Variants in RASEF observed in about 807,000 individuals in gnomAD.
RASEF encodes the protein ras and EF-hand domain-containing protein.
RASEF carries 68 observed loss-of-function variants against 90.1 expected under a neutral mutation model. That is an observed-to-expected ratio of 0.75 (90% CI 0.62 to 0.92). The LOEUF is 0.92. RASEF is among the 40% of genes least tolerant of loss of function. The probability of loss-of-function intolerance (pLI) is 0.00; values close to 1 mark genes in which losing one functional copy is unlikely to be tolerated. For missense variants in RASEF, 949 were observed against 937.2 expected (o/e 1.01, Z -0.16); for synonymous variants, 331 against 345.2 (o/e 0.96, Z 0.46).
At chr9:83,205,900 A>G in the RASEF span, among the ~76,000 whole-genome samples, 1 of 152,336 alleles carries the variant, frequency 6.6e-6, no homozygotes, top group Non-Finnish European at 1.5e-5. Flanking sequence ...AGGACCTCCT[A>G]TAGCTGGTCA....
At chr9:82,996,320 G>C (rs1828918101) in intron 14 of RASEF, among the ~76,000 whole-genome samples, 1 of 152,162 alleles carries the variant, frequency 6.6e-6, no homozygotes, top group Non-Finnish European at 1.5e-5. Flanking sequence ...ACCATAGCTG[G>C]AACTGTAGTG....
chr9:83,090,600 C>T, the RASEF span, among the ~76,000 whole-genome samples: 5 of 152,138 alleles, frequency 3.3e-5, no homozygotes, highest in East Asian at 1.9e-4. Flanking sequence ...GATGGGGTTT[C>T]GCCATGTTGG....
At chr9:83,212,792 T>C in the RASEF span, among the ~76,000 whole-genome samples, 8 of 152,168 alleles carry the variant, frequency 5.3e-5, 1 homozygote, top group Admixed American at 3.3e-4. Context: ...CCAAAGATTG[T>C]AGCAGGCAGA....
the RASEF span, among the ~76,000 whole-genome samples, chr9:83,079,898 T>C: frequency 1.3e-5 from 2 of 152,128 alleles, no homozygotes; most frequent in African/African-American, 4.8e-5. Flanking sequence ...CCTTGCGATA[T>C]GATGATTAAA....
chr9:83,217,453 C>T, the RASEF span, among the ~76,000 whole-genome samples: 1 of 152,154 alleles, frequency 6.6e-6, no homozygotes, highest in Admixed American at 6.5e-5. Context: ...TGAATTATAG[C>T]TCCCATAATC....
intron 1 of RASEF, 138 bp downstream of exon 1, chr9:83,062,299 C>G: frequency 1.2e-6 from 1 of 804,430 alleles, no homozygotes; most frequent in South Asian, 1.8e-5. Flanking sequence ...AAAGTCAAAG[C>G]GAGTAGGTGA....
the RASEF span, among the ~76,000 whole-genome samples, chr9:83,114,837 A>C: frequency 6.6e-6 from 1 of 152,162 alleles, no homozygotes; most frequent in Non-Finnish European, 1.5e-5. Context: ...CTTCATTAGC[A>C]ATTTAAATTT....
At chr9:83,075,896 A>G in the RASEF span, among the ~76,000 whole-genome samples, 8 of 152,148 alleles carry the variant, frequency 5.3e-5, no homozygotes, top group Non-Finnish European at 7.4e-5. Context: ...CCGGCAGGGC[A>G]CGGTGGCTCA....
At chr9:83,124,353 A>G in the RASEF span, among the ~76,000 whole-genome samples, 2 of 152,136 alleles carry the variant, frequency 1.3e-5, no homozygotes, top group Admixed American at 6.6e-5. Context: ...TTCTGTTTAA[A>G]TTTTTTAGGA....
the RASEF span, among the ~76,000 whole-genome samples, chr9:83,106,283 G>A: frequency 6.6e-6 from 1 of 152,114 alleles, no homozygotes; most frequent in Non-Finnish European, 1.5e-5. Flanking sequence ...TTCTTTCACT[G>A]TCAAAAGAAC....
the RASEF span, among the ~76,000 whole-genome samples, chr9:83,129,406 CAA>C: frequency 2.7e-4 from 26 of 97,732 alleles, no homozygotes; most frequent in Admixed American, 4.4e-4. Context: ...GACTCCACCT[CAA>C]AAAAAAAAAA....
chr9:83,141,030 C>G, the RASEF span, among the ~76,000 whole-genome samples: 2 of 151,310 alleles, frequency 1.3e-5, no homozygotes, highest in African/African-American at 4.9e-5. Context: ...GTAATTCCAG[C>G]TACTTGGGAG....
the RASEF span, among the ~76,000 whole-genome samples, chr9:83,086,159 G>A: frequency 6.1e-4 from 93 of 152,202 alleles, no homozygotes; most frequent in East Asian, 0.016. Context: ...GGTGTTATGC[G>A]TATGTGAAGA....
the RASEF span, among the ~76,000 whole-genome samples, chr9:83,146,663 G>T: frequency 6.6e-6 from 1 of 152,242 alleles, no homozygotes; most frequent in Admixed American, 6.5e-5. Flanking sequence ...AAACTAAATT[G>T]TATGGGTGCA....
At chr9:83,148,059 TG>T in the RASEF span, among the ~76,000 whole-genome samples, 3 of 151,816 alleles carry the variant, frequency 2.0e-5, no homozygotes, top group African/African-American at 7.3e-5. Context: ...CAATTGGGTG[TG>T]AAAAGAGGAA....
At chr9:83,138,791 C>T in the RASEF span, among the ~76,000 whole-genome samples, 1 of 152,042 alleles carries the variant, frequency 6.6e-6, no homozygotes, top group Admixed American at 6.6e-5. Flanking sequence ...ATAAACAAAC[C>T]CCACTTCAAA....
Position 82,997,086 on chromosome 9 carries a change from C to T in RASEF, c.1846G>A (p.Gly616Ser), listed in dbSNP as rs1828935445. ...IAKSYFRKAD[G>S]VLLLYDVTCE... ...GTAACATCATACAGCAGCAAAACAC[C>T]ATCTGCCTTTCTGAAGTAAGACTTG... is the stretch of plus-strand genomic sequence containing the variant. Residue 616 changes from glycine to serine, a missense_variant, in exon 14 of 17, where the codon GGT (glycine) becomes AGT (serine). By Grantham distance (56) the Gly-to-Ser change is moderately conservative. Coordinates refer to ENST00000376447, the MANE Select transcript of RASEF (RefSeq NM_152573.4). 1 of 1,613,492 alleles carries T rather than the reference C, an allele frequency of 6.2e-7. No homozygotes were observed. Among genetic ancestry groups the T allele is most frequent in the Non-Finnish European group, 8.5e-7 (1 of 1,179,492 alleles).
At chr9:83,134,281 T>C in the RASEF span, among the ~76,000 whole-genome samples, 1 of 151,986 alleles carries the variant, frequency 6.6e-6, no homozygotes, top group Non-Finnish European at 1.5e-5. Context: ...ACTCATGTCT[T>C]GTCCAGAAAA....
chr9:83,040,755 C>A (rs1184168727), intron 1 of RASEF, among the ~76,000 whole-genome samples: 1 of 152,202 alleles, frequency 6.6e-6, no homozygotes, highest in Non-Finnish European at 1.5e-5. Flanking sequence ...GGTTCCTCAT[C>A]ACGTTTTGTT....
Sources: allele counts gnomAD v4.1 joint callset (sites outside exome capture counted in the v4.1 genomes callset), GRCh38; gene constraint gnomAD v4.1.1; transcripts MANE v1.5; gene names NCBI Gene and HGNC (gene_info 2026-07-23, HGNC 2026-07-21).